Variants in PRIM2 observed in about 807,000 individuals in gnomAD.
PRIM2 encodes the protein DNA primase large subunit.
In PRIM2, 39 loss-of-function variants were observed where a neutral mutation model predicts 67.3. That is an observed-to-expected ratio of 0.58 (90% CI 0.45 to 0.76). The LOEUF (loss-of-function observed/expected upper bound fraction) is 0.76. Among genes scored for constraint, PRIM2 ranks in the 30% least tolerant of loss-of-function variants. PRIM2 has a pLI of 0.00. For missense variants in PRIM2, 398 were observed against 598.7 expected, an observed-to-expected ratio of 0.66 and a Z score of 3.50; for synonymous variants, 143 against 198.7, an observed-to-expected ratio of 0.72 and a Z score of 2.36.
intron 5 of PRIM2, among the ~76,000 whole-genome samples, chr6:57,343,474 C>T (rs1486648444): frequency 6.6e-6 from 1 of 152,140 alleles, no homozygotes; most frequent in Non-Finnish European, 1.5e-5. Flanking sequence ...TATCTTTTGA[C>T]ACAGAATGAA....
intron 10 of PRIM2, among the ~76,000 whole-genome samples, chr6:57,583,949 A>C (rs1344291796): frequency 1.3e-5 from 2 of 152,310 alleles, no homozygotes. Flanking sequence ...CCTTACAGTT[A>C]GTGAAAAGTC....
chr6:57,240,721 A>T, the PRIM2 span, among the ~76,000 whole-genome samples: 3 of 152,204 alleles, frequency 2.0e-5, no homozygotes, highest in Admixed American at 2.0e-4. Context: ...TTTGAAAAAC[A>T]TGTTGAGTAA....
chr6:57,332,791 T>C (rs931206007), intron 5 of PRIM2, among the ~76,000 whole-genome samples: 1 of 151,400 alleles, frequency 6.6e-6, no homozygotes, highest in Non-Finnish European at 1.5e-5. Context: ...AAATATCATA[T>C]AGTTGGATCA....
chr6:57,499,423 C>G (rs1774080371), intron 7 of PRIM2, among the ~76,000 whole-genome samples: 1 of 152,146 alleles, frequency 6.6e-6, no homozygotes, highest in Non-Finnish European at 1.5e-5. Flanking sequence ...GCCATAAACC[C>G]TAGCCGACCT....
chr6:57,621,464 CT>C lies in PRIM2; in HGVS notation c.1231-10659del, dbSNP rs1182317316. Among the ~76,000 whole-genome samples the C allele has an allele frequency of 1.5e-3, 223 of 149,330 alleles. 5 individuals carry two copies. In the East Asian group the frequency reaches 0.019, roughly 13 times the overall value. On this transcript the variant is annotated intron_variant, in intron 12 of 13. Transcript: ENST00000615550. ...CATAGTACCATTTTTATTCCCATCA[CT>C]TTTTTTTTTGATGTATTTTTTTCTC...
intron 12 of PRIM2, among the ~76,000 whole-genome samples, chr6:57,608,681 C>A (rs2127493600): frequency 6.7e-6 from 1 of 150,354 alleles, no homozygotes; most frequent in South Asian, 2.1e-4. Context: ...CCACTGCACT[C>A]CAGCATTGGC....
At chr6:57,230,635 C>G in the PRIM2 span, among the ~76,000 whole-genome samples, 2 of 151,986 alleles carry the variant, frequency 1.3e-5, no homozygotes, top group African/African-American at 4.8e-5. Flanking sequence ...CGTAAGATAC[C>G]CAATGTCAGT....
chr6:57,345,490 G>GTA (rs1026301417), intron 5 of PRIM2, among the ~76,000 whole-genome samples: 127 of 79,334 alleles, frequency 1.6e-3, no homozygotes, highest in African/African-American at 6.8e-3. Flanking sequence ...GTGTGTGTGT[G>GTA]TGTGTGTGTG....
chr6:57,424,357 A>G (rs1243167373), intron 7 of PRIM2, among the ~76,000 whole-genome samples: 3 of 152,308 alleles, frequency 2.0e-5, no homozygotes, highest in South Asian at 4.1e-4. Flanking sequence ...AATTTTATCC[A>G]GGGAGAGATT....
chr6:57,604,059 C>T (rs1349243462), intron 11 of PRIM2, among the ~76,000 whole-genome samples: 51 of 152,266 alleles, frequency 3.3e-4, no homozygotes, highest in African/African-American at 1.1e-3. Flanking sequence ...GTAATCCCAG[C>T]ACTTTGGGAG....
chr6:57,482,547 AT>A (rs1405925279), intron 7 of PRIM2, among the ~76,000 whole-genome samples: 13 of 152,168 alleles, frequency 8.5e-5, no homozygotes, highest in Admixed American at 8.5e-4. Context: ...ATCTTAAGGT[AT>A]TAAGGTGTGT....
At chr6:57,620,507 C>G (rs1776833152) in intron 12 of PRIM2, among the ~76,000 whole-genome samples, 1 of 152,174 alleles carries the variant, frequency 6.6e-6, no homozygotes, top group Non-Finnish European at 1.5e-5. Context: ...TTCAGACAAA[C>G]AAATGCTGAG....
rs1481453065 is a variant in PRIM2 at position 57,542,749 on chromosome 6, T to C, written c.1020+5124T>C. On this transcript the variant is annotated intron_variant, in intron 10 of 13. Transcript: ENST00000615550. Reference sequence around the variant, plus strand: ...TAGTGTTCTGTTGTTACATAGTCCGTATTGTAAATGTTCATGTTTTTCTCA... The same window carrying C: ...TAGTGTTCTGTTGTTACATAGTCCGCATTGTAAATGTTCATGTTTTTCTCA... Among the ~76,000 whole-genome samples the C allele has an allele frequency of 5.9e-5, 9 of 152,004 alleles. No individual in the cohort carries two copies. In the South Asian group the frequency reaches 1.7e-3, roughly 28 times the overall value.
intron 7 of PRIM2, among the ~76,000 whole-genome samples, chr6:57,447,049 G>C (rs1772390284): frequency 6.6e-6 from 1 of 152,208 alleles, no homozygotes; most frequent in Non-Finnish European, 1.5e-5. Context: ...TGCTGGTCAG[G>C]GAAGAGCTTC....
At chr6:57,224,831 TTTGGAG>T in the PRIM2 span, among the ~76,000 whole-genome samples, 17 of 152,212 alleles carry the variant, frequency 1.1e-4, no homozygotes, top group Non-Finnish European at 2.1e-4. Flanking sequence ...ACAAGCATTA[TTTGGAG>T]TTGAAGGCAA....
chr6:57,406,290 C>T (rs1296266964), intron 7 of PRIM2, among the ~76,000 whole-genome samples: 1 of 152,158 alleles, frequency 6.6e-6, no homozygotes, highest in Non-Finnish European at 1.5e-5. Context: ...CCTGCCTGCT[C>T]CATTCAGACA....
chr6:57,337,106 A>T (rs899779736), intron 5 of PRIM2, among the ~76,000 whole-genome samples: 12 of 152,248 alleles, frequency 7.9e-5, no homozygotes, highest in Non-Finnish European at 1.3e-4. Context: ...ATCAAAAGAG[A>T]CAAAGCACGC....
chr6:57,424,233 T>A (rs1268020560), intron 7 of PRIM2, among the ~76,000 whole-genome samples: 2 of 152,170 alleles, frequency 1.3e-5, no homozygotes, highest in Admixed American at 6.5e-5. Context: ...TCAAGATAAG[T>A]TCAGTTCTTC....
intron 7 of PRIM2, among the ~76,000 whole-genome samples, chr6:57,455,912 C>T (rs1455344839): frequency 6.6e-6 from 1 of 152,148 alleles, no homozygotes; most frequent in Non-Finnish European, 1.5e-5. Context: ...CATGTTTTTG[C>T]AGTGCTGGTA....
Sources: gnomAD v4.1 joint callset for allele counts (sites outside exome capture counted in the v4.1 genomes callset) on GRCh38, gnomAD v4.1.1 for gene constraint, MANE v1.5 for transcripts, NCBI Gene and HGNC (gene_info 2026-07-23, HGNC 2026-07-21) for gene names.